Variants in MICU3 observed in about 807,000 individuals in gnomAD.
MICU3 encodes the protein mitochondrial calcium uptake 3, also known as calcium uptake protein 3, mitochondrial.
Under a neutral mutation model 66.5 loss-of-function variants are expected in MICU3, and 62 were observed. That is an observed-to-expected ratio of 0.93 (90% confidence interval 0.76 to 1.15). The LOEUF is 1.15. Ranked by LOEUF, MICU3 falls within the 50% of genes most tolerant of loss-of-function variation. The probability of loss-of-function intolerance (pLI) is 0.00; values close to 1 mark genes in which losing one functional copy is unlikely to be tolerated. For missense variants in MICU3, 779 were observed against 664.4 expected, an observed-to-expected ratio of 1.17 and a Z score of -1.90; for synonymous variants, 308 against 240.7, an observed-to-expected ratio of 1.28 and a Z score of -2.59.
chr8:17,094,858 A>G (rs1459455001), intron 8 of MICU3, among the ~76,000 whole-genome samples: 1 of 151,974 alleles, frequency 6.6e-6, no homozygotes, highest in Non-Finnish European at 1.5e-5. Flanking sequence ...CACACCAAAT[A>G]TTAAAAAGAT....
At chr8:17,101,474 T>C (rs1297157882) in intron 9 of MICU3, among the ~76,000 whole-genome samples, 1 of 151,874 alleles carries the variant, frequency 6.6e-6, no homozygotes, top group Non-Finnish European at 1.5e-5. Flanking sequence ...TTATGCCTCA[T>C]TGGATCTGGA....
intron 1 of MICU3, among the ~76,000 whole-genome samples, chr8:17,051,898 A>G (rs1321676961): frequency 2.6e-5 from 4 of 152,050 alleles, no homozygotes; most frequent in African/African-American, 9.7e-5. Context: ...AATAGAGAGG[A>G]GGGACAGGGC....
At chr8:17,061,865 G>A (rs1817878652) in intron 1 of MICU3, among the ~76,000 whole-genome samples, 1 of 152,178 alleles carries the variant, frequency 6.6e-6, no homozygotes, top group Non-Finnish European at 1.5e-5. Flanking sequence ...TTACCAGTGA[G>A]CTGTTCAGTA....
At chr8:17,104,145 T>G (rs1310783459) in intron 9 of MICU3, among the ~76,000 whole-genome samples, 2 of 151,238 alleles carry the variant, frequency 1.3e-5, no homozygotes, top group African/African-American at 4.9e-5. Flanking sequence ...AAACATTTCT[T>G]AAATCACATC....
Position 17,122,427 on chromosome 8 carries a change from C to A in MICU3, c.*2140C>A, listed in dbSNP as rs1309901205. On this transcript the variant is annotated 3_prime_UTR_variant, in exon 15 of 15. Transcript: ENST00000318063. ...TCAGTGTTTCCTTCTATAAACTGTT[C>A]TTTGGAAAAATTAAGTTATACATAA... The A allele has an allele frequency of 6.6e-6, 1 of 151,744 alleles. No homozygotes were observed. The highest frequency in any genetic ancestry group is 2.4e-5 in the African/African-American group (1 of 41,404). The allele number at this position is 151,744 out of a possible 1,614,324, so 9.4% of individuals were successfully genotyped here. A position where few individuals can be genotyped will look rare whatever the true frequency, so the allele number is the denominator to read the frequency against.
intron 11 of MICU3, among the ~76,000 whole-genome samples, chr8:17,110,706 G>A (rs1802117147): frequency 6.6e-6 from 1 of 151,866 alleles, no homozygotes; most frequent in African/African-American, 2.4e-5. Context: ...TGGGACTATA[G>A]GCATGTCCCA....
At chr8:17,092,100 T>G (rs1431928559) in intron 8 of MICU3, among the ~76,000 whole-genome samples, 2 of 151,954 alleles carry the variant, frequency 1.3e-5, no homozygotes, top group African/African-American at 4.8e-5. Flanking sequence ...ATGGTCTTGA[T>G]CTCCTGACCT....
At chr8:17,090,166 A>C (rs1421892486) in intron 7 of MICU3, among the ~76,000 whole-genome samples, 3 of 152,092 alleles carry the variant, frequency 2.0e-5, no homozygotes, top group Non-Finnish European at 4.4e-5. Context: ...CAGGTCTCTC[A>C]TACCATTTCC....
intron 13 of MICU3, among the ~76,000 whole-genome samples, chr8:17,117,373 TAAA>T (rs1183854967): frequency 1.3e-5 from 2 of 152,158 alleles, no homozygotes; most frequent in African/African-American, 2.4e-5. Flanking sequence ...AAAAATAAGT[TAAA>T]AATTTTTTTA....
At chr8:17,068,232 G>C (rs549453867) in intron 2 of MICU3, among the ~76,000 whole-genome samples, 1 of 152,088 alleles carries the variant, frequency 6.6e-6, no homozygotes, top group African/African-American at 2.4e-5. Context: ...CCTTTGAAGA[G>C]CAATCTTAAT....
chr8:17,030,532 T>C (rs1811842865), intron 1 of MICU3, among the ~76,000 whole-genome samples: 2 of 150,902 alleles, frequency 1.3e-5, no homozygotes, highest in South Asian at 2.1e-4. Context: ...TGGTGAGTAT[T>C]ATGGGCTTCT....
Position 17,077,731 on chromosome 8 carries a change from T to G in MICU3, c.568-52T>G. On this transcript the variant is annotated intron_variant, in intron 3 of 14. Coordinates refer to ENST00000318063, the MANE Select transcript of MICU3 (RefSeq NM_181723.3). ...GACATTTAAACATGTTTTTGATCTA[T>G]TTTATTAGTAAGTTGTTTACCAATT... 5.5e-6 allele frequency: 7 copies of G among 1,271,178 alleles called. No homozygotes were observed. The South Asian group carries it at 9.0e-5, about 16-fold the overall frequency. 78.7% of individuals were successfully genotyped at this position (1,271,178 alleles called of 1,614,324 possible).
At chr8:17,052,919 A>G (rs1184358512) in intron 1 of MICU3, among the ~76,000 whole-genome samples, 1 of 152,216 alleles carries the variant, frequency 6.6e-6, no homozygotes, top group African/African-American at 2.4e-5. Context: ...AATATAGTGT[A>G]GAAATATAAA....
At chr8:17,132,067 C>T in the MICU3 span, 1 of 152,182 alleles carries the variant, frequency 6.6e-6, no homozygotes. Flanking sequence ...GCATACAGTG[C>T]TGTGGCTATA....
At chr8:17,114,846 G>A (rs1172062465) in intron 12 of MICU3, among the ~76,000 whole-genome samples, 3 of 151,908 alleles carry the variant, frequency 2.0e-5, no homozygotes, top group East Asian at 1.9e-4. Flanking sequence ...GAGGCCGGGC[G>A]CGGTGGCTCA....
intron 1 of MICU3, among the ~76,000 whole-genome samples, chr8:17,044,013 G>T (rs151204033): frequency 1.3e-5 from 2 of 152,148 alleles, no homozygotes; most frequent in Non-Finnish European, 2.9e-5. Flanking sequence ...TATAGCAGTC[G>T]TTTATAAATA....
intron 5 of MICU3, among the ~76,000 whole-genome samples, chr8:17,082,506 G>A (rs1326132555): frequency 6.6e-6 from 1 of 152,016 alleles, no homozygotes; most frequent in Non-Finnish European, 1.5e-5. Context: ...AGTATTATTG[G>A]TTTACATGTT....
the MICU3 span, among the ~76,000 whole-genome samples, chr8:17,134,541 T>C: frequency 6.6e-6 from 1 of 152,082 alleles, no homozygotes; most frequent in Admixed American, 6.6e-5. Context: ...ACCTCCCAGG[T>C]TCATACCATT....
chr8:17,030,012 G>C (rs1811739434), intron 1 of MICU3, among the ~76,000 whole-genome samples: 1 of 152,020 alleles, frequency 6.6e-6, no homozygotes, highest in South Asian at 2.1e-4. Context: ...CCTTCCTACT[G>C]AATTTTTTTA....
Sources: gnomAD v4.1 joint callset for allele counts (sites outside exome capture counted in the v4.1 genomes callset) on GRCh38, gnomAD v4.1.1 for gene constraint, MANE v1.5 for transcripts, NCBI Gene and HGNC (gene_info 2026-07-23, HGNC 2026-07-21) for gene names.